Variants in LGI2 observed in about 807,000 individuals in gnomAD.
LGI2 encodes leucine-rich repeat LGI family member 2.
In LGI2, 30 loss-of-function variants were observed where a neutral mutation model predicts 52.0. The observed-to-expected ratio is 0.58, with a 90% CI of 0.43 to 0.78. LGI2 has a LOEUF of 0.78. LGI2 is among the 30% of genes least tolerant of loss of function. LGI2 has a pLI of 0.00. For synonymous variants in LGI2, 270 were observed against 271.8 expected, an observed-to-expected ratio of 0.99 and a Z score of 0.06; for missense variants, 573 against 692.5, an observed-to-expected ratio of 0.83 and a Z score of 1.94.
Position 25,004,206 on chromosome 4 carries a change from G to C in LGI2, c.883C>G (p.Gln295Glu). Residue 295 changes from glutamine (Q) to glutamate (E), a missense_variant, in exon 8 of 8, where the codon CAG becomes GAG. Physicochemically the swap from Gln to Glu is conservative, Grantham distance 29. Coordinates refer to ENST00000382114, the MANE Select transcript of LGI2 (RefSeq NM_018176.4). The surrounding 1 kb of genome is among the most constrained non-coding windows in gnomAD (Gnocchi z 4.6). ...TAAATGTGAGAGCCACCGAAGAGCTGGGCTACCACCACAAAGACCTGATCA... is the reference window on the plus strand; with the variant it reads ...TAAATGTGAGAGCCACCGAAGAGCTCGGCTACCACCACAAAGACCTGATCA... ...IDDQVFVVVAQLFGGSHIYKY... is the reference protein window; with the variant it reads ...IDDQVFVVVAELFGGSHIYKY... 3 of 1,614,120 alleles carry C rather than the reference G, an allele frequency of 1.9e-6. No individual in the cohort carries two copies. The highest frequency in any genetic ancestry group is 2.5e-6 in the Non-Finnish European group (3 of 1,180,036).
intron 4 of LGI2, among the ~76,000 whole-genome samples, chr4:25,021,445 T>C (rs937061432): frequency 1.3e-5 from 2 of 152,160 alleles, no homozygotes; most frequent in Non-Finnish European, 2.9e-5. Context: ...AAGATAAAAA[T>C]CAGCTGCTTA....
In LGI2 at chr4:25,002,151, C is replaced by A. The variant is rs916842577; in HGVS notation, c.*1300G>T. The A allele has an allele frequency of 3.3e-5, 5 of 152,248 alleles. No homozygotes were observed. Among genetic ancestry groups the A allele is most frequent in the African/African-American group, 1.2e-4 (5 of 41,446 alleles). The allele number at this position is 152,248 out of a possible 1,614,324, so 9.4% of individuals were successfully genotyped here. A position where few individuals can be genotyped will look rare whatever the true frequency, so the allele number is the denominator to read the frequency against. ...ACCTGGAGTGTGGGATTCAGCTTGG[C>A]TGGCTCCAAAGCTGGCCCCTACTGA... On this transcript the variant is annotated 3_prime_UTR_variant, in exon 8 of 8. Transcript: ENST00000382114.
At chr4:25,020,297 C>A (rs1725914209) in intron 4 of LGI2, among the ~76,000 whole-genome samples, 1 of 152,196 alleles carries the variant, frequency 6.6e-6, no homozygotes, top group African/African-American at 2.4e-5. Flanking sequence ...TTAGTCCACA[C>A]CCCACCTCCA....
rs562777949 is a variant in LGI2, at chr4:25,016,771, G to C, written c.655+1218C>G. Among the ~76,000 whole-genome samples, 15 of 152,302 alleles carry C rather than the reference G, an allele frequency of 9.8e-5. No homozygotes were observed. The South Asian group carries it at 2.7e-3, about 27-fold the overall frequency. On this transcript the variant is annotated intron_variant, in intron 6 of 7. Transcript: ENST00000382114. Reference sequence around the variant, plus strand: ...GCCTAAATATGATATTTTGTTCTTGGAGTTTTGGTGTCTTTTGAGTTTCTG... The same window carrying C: ...GCCTAAATATGATATTTTGTTCTTGCAGTTTTGGTGTCTTTTGAGTTTCTG...
chr4:25,004,057 G>A lies in LGI2; in HGVS notation c.1032C>T (p.Asp344=), dbSNP rs1406106674. The change falls in exon 8 of 8, where the codon GAC becomes GAT. Residue 344 remains aspartate, a synonymous_variant. Transcript: ENST00000382114. The surrounding 1 kb of genome is among the most constrained non-coding windows in gnomAD (Gnocchi z 4.6). ...CTGTGGACAGACCAGCCTTTGAGCTGTCTGCGATGACAAAGAACGTCTCGT... is the reference window on the plus strand; with the variant it reads ...CTGTGGACAGACCAGCCTTTGAGCTATCTGCGATGACAAAGAACGTCTCGT... The part of the protein sequence containing the change: ...IDDETFFVIA[D]SSKAGLSTVY... 3 of 1,614,226 alleles carry A rather than the reference G, an allele frequency of 1.9e-6. No individual in the cohort carries two copies. The highest frequency in any genetic ancestry group is 8.5e-7 in the Non-Finnish European group (1 of 1,180,044).
At position 25,002,848 on chromosome 4, in the gene LGI2, A is replaced by G. The variant is rs999442443; in HGVS notation, c.*603T>C. On this transcript the variant is annotated 3_prime_UTR_variant, in exon 8 of 8. Transcript: ENST00000382114. ...TGTGGCAGAGGAAGCAATGTCAAACACTAAATTGTTAACATATCCATGACA... is the reference window on the plus strand; with the variant it reads ...TGTGGCAGAGGAAGCAATGTCAAACGCTAAATTGTTAACATATCCATGACA... 3 of 152,462 alleles carry G rather than the reference A, an allele frequency of 2.0e-5. No homozygotes were observed. Among genetic ancestry groups the G allele is most frequent in the Non-Finnish European group, 4.4e-5 (3 of 68,218 alleles). The allele number at this position is 152,462 out of a possible 1,614,324, so 9.4% of individuals were successfully genotyped here. A position where few individuals can be genotyped will look rare whatever the true frequency, so the allele number is the denominator to read the frequency against.
intron 5 of LGI2, 98 bp from the exon 6 acceptor site, chr4:25,018,256 G>T: frequency 2.4e-6 from 2 of 822,554 alleles, no homozygotes; most frequent in South Asian, 2.2e-5. Context: ...TTAACATCCT[G>T]ATATATTTAA....
chr4:24,992,568 A>T, the LGI2 span, among the ~76,000 whole-genome samples: 3 of 151,982 alleles, frequency 2.0e-5, no homozygotes, highest in African/African-American at 4.8e-5. Flanking sequence ...AAAAAAAAAT[A>T]AAAAATAAAA....
At position 25,009,003 on chromosome 4, in the gene LGI2, C is replaced by T. The variant is rs151189555; in HGVS notation, c.820+3332G>A. 5.6e-4 allele frequency among the ~76,000 whole-genome samples: 86 copies of T among 152,328 alleles called. 1 individual carries two copies. The East Asian group carries it at 0.015, about 26-fold the overall frequency. On this transcript the variant is annotated intron_variant, in intron 7 of 7. Transcript: ENST00000382114. ...CTGGGTTCCGGATTCTTGCCATAGCCTCTTAGCTAGCCACTGTGCTTCGAC... is the reference window on the plus strand; with the variant it reads ...CTGGGTTCCGGATTCTTGCCATAGCTTCTTAGCTAGCCACTGTGCTTCGAC...
chr4:25,016,634 A>G (rs1210661543), intron 6 of LGI2, among the ~76,000 whole-genome samples: 1 of 152,254 alleles, frequency 6.6e-6, no homozygotes, highest in Non-Finnish European at 1.5e-5. Context: ...CAGGTTGTCT[A>G]TCAGAAAAGA....
rs1725338248 is a variant in LGI2 at position 25,004,322 on chromosome 4, T to C, written c.821-54A>G. The C allele has an allele frequency of 6.8e-7, 1 of 1,473,416 alleles. No homozygotes were observed. The highest frequency in any genetic ancestry group is 9.2e-7 in the Non-Finnish European group (1 of 1,084,738). 91.3% of individuals were successfully genotyped at this position (1,473,416 alleles called of 1,614,324 possible). ...TAGTGCAACTACAGCTAAAAACGCA[T>C]CTCCGCTTGTACTCTTATACACTGC... On this transcript the variant is annotated intron_variant, in intron 7 of 7. Coordinates refer to ENST00000382114, the MANE Select transcript of LGI2 (RefSeq NM_018176.4). This position sits in a 1 kb window ranked among gnomAD's most constrained non-coding sequence, Gnocchi z 4.6.
chr4:25,006,324 C>A (rs1372611435), intron 7 of LGI2, among the ~76,000 whole-genome samples: 4 of 152,130 alleles, frequency 2.6e-5, no homozygotes, highest in South Asian at 2.1e-4. Flanking sequence ...ACCTACGAGA[C>A]CACTGATCCT....
intron 4 of LGI2, 89 bp downstream of exon 4, chr4:25,024,731 G>A: frequency 1.2e-6 from 1 of 829,910 alleles, no homozygotes; most frequent in Non-Finnish European, 1.9e-6. Flanking sequence ...TTCCTTCAGG[G>A]ACAGTTACAG....
chr4:25,012,602 G>T, intron 6 of LGI2, 103 bp from the exon 7 acceptor site: 1 of 1,199,116 alleles, frequency 8.3e-7, no homozygotes, highest in African/African-American at 1.5e-5. Flanking sequence ...AAAAGGACTG[G>T]GGAGGAGGAG....
intron 7 of LGI2, among the ~76,000 whole-genome samples, chr4:25,011,592 G>A (rs190513119): frequency 2.6e-5 from 4 of 152,290 alleles, no homozygotes; most frequent in Admixed American, 6.5e-5. Context: ...ACAGTAAAAC[G>A]CTGCTCTAAG....
intron 5 of LGI2, among the ~76,000 whole-genome samples, chr4:25,018,770 G>A (rs916119454): frequency 6.6e-6 from 1 of 152,000 alleles, no homozygotes. Context: ...GCTGAGGCAG[G>A]AGAATCACTT....
At chr4:25,020,946 A>G (rs2109420775) in intron 4 of LGI2, among the ~76,000 whole-genome samples, 1 of 152,324 alleles carries the variant, frequency 6.6e-6, no homozygotes, top group Admixed American at 6.5e-5. Flanking sequence ...AAATTTTTAA[A>G]AGGGGGGTGT....
At chr4:25,009,122 C>A (rs536261924) in intron 7 of LGI2, among the ~76,000 whole-genome samples, 32 of 152,330 alleles carry the variant, frequency 2.1e-4, no homozygotes, top group Admixed American at 5.9e-4. Context: ...TGCCTCTGCA[C>A]AAAACCCTCC....
At chr4:25,026,439 G>C (rs973654505) in intron 3 of LGI2, among the ~76,000 whole-genome samples, 6 of 152,066 alleles carry the variant, frequency 3.9e-5, no homozygotes, top group Non-Finnish European at 7.4e-5. Context: ...AAGAGATGTA[G>C]AACAGTGAGT....
Sources: gnomAD v4.1 joint callset for allele counts (sites outside exome capture counted in the v4.1 genomes callset) on GRCh38, gnomAD v4.1.1 for gene constraint, Gnocchi (gnomAD v3.1) non-coding constraint, MANE v1.5 for transcripts, NCBI Gene and HGNC (gene_info 2026-07-23, HGNC 2026-07-21) for gene names.